The following ARHGEF38 variants were observed in gnomAD, a reference collection of about 807,000 sequenced individuals.
The protein encoded by ARHGEF38 is Rho guanine nucleotide exchange factor (GEF) 38.
ARHGEF38 carries 79 observed loss-of-function variants against 79.9 expected under a neutral mutation model. The ratio of observed to expected loss-of-function variants is 0.99; its 90% CI spans 0.82 to 1.19. The LOEUF (loss-of-function observed/expected upper bound fraction) is 1.19. Ranked by LOEUF, ARHGEF38 falls within the 50% of genes most tolerant of loss-of-function variation. The pLI is 0.00. For missense variants in ARHGEF38, 962 were observed against 907.2 expected (o/e 1.06, Z -0.78); for synonymous variants, 366 against 328.3 (o/e 1.11, Z -1.24).
At position 105,630,979 on chromosome 4, in the gene ARHGEF38, T is replaced by C; in HGVS notation, c.590T>C (p.Ile197Thr). The change falls in exon 4 of 14, where the codon ATA (isoleucine) becomes ACA (threonine). Residue 197 changes from isoleucine to threonine, a missense_variant. Transcript: ENST00000420470. The stretch of plus-strand genomic sequence containing the variant: ...TATCACCATGATGAAGCACATAGTA[T>C]ACTGGAGTCCTATGAAAAGGAAGAA... ...YCYHHDEAHS[I>T]LESYEKEEEL... is the part of the protein sequence containing the mutation. 1.2e-6 allele frequency: 2 copies of C among 1,613,906 alleles called. No individual in the cohort carries two copies. The highest frequency in any genetic ancestry group is 1.7e-6 in the Non-Finnish European group (2 of 1,179,868).
intron 7 of ARHGEF38, among the ~76,000 whole-genome samples, chr4:105,649,824 A>G (rs1189520841): frequency 6.6e-6 from 1 of 152,192 alleles, no homozygotes; most frequent in Admixed American, 6.5e-5. Flanking sequence ...TCTTGACACT[A>G]TTCATATTTG....
chr4:105,640,726 G>T lies in ARHGEF38; in HGVS notation c.674+4306G>T, dbSNP rs114318844. ...TGAAATACTTTTCTTTTACTCTCAC[G>T]CTTGGTTTATAGTTTGATTTGCTAT... On this transcript the variant is annotated intron_variant, in intron 5 of 13. Transcript: ENST00000420470. 9.2e-5 allele frequency among the ~76,000 whole-genome samples: 14 copies of T among 152,154 alleles called. No individual in the cohort carries two copies. The South Asian group carries it at 2.9e-3, about 32-fold the overall frequency.
At chr4:105,554,209 A>G (rs963846978) in intron 1 of ARHGEF38, among the ~76,000 whole-genome samples, 1 of 152,060 alleles carries the variant, frequency 6.6e-6, no homozygotes. Flanking sequence ...TAAAATTTCA[A>G]CTTTTATTTT....
At chr4:105,641,118 A>T (rs189038392) in intron 5 of ARHGEF38, among the ~76,000 whole-genome samples, 1 of 152,030 alleles carries the variant, frequency 6.6e-6, no homozygotes, top group Non-Finnish European at 1.5e-5. Context: ...TAGACCAGTC[A>T]TCTAATTTTC....
chr4:105,598,785 A>C (rs1460734538), intron 2 of ARHGEF38, among the ~76,000 whole-genome samples: 1 of 152,086 alleles, frequency 6.6e-6, no homozygotes, highest in Non-Finnish European at 1.5e-5. Flanking sequence ...CTGAGGTCTC[A>C]TAAAGTCAGA....
chr4:105,573,176 T>C (rs2522538), intron 1 of ARHGEF38, among the ~76,000 whole-genome samples: 93,990 of 152,016 alleles, frequency 0.62, 31,748 homozygotes, highest in East Asian at 0.92. Flanking sequence ...TTTTCTCCTA[T>C]GCTGTAAACT....
intron 1 of ARHGEF38, among the ~76,000 whole-genome samples, chr4:105,581,906 T>G (rs1447188794): frequency 6.6e-6 from 1 of 151,894 alleles, no homozygotes; most frequent in Admixed American, 6.6e-5. Flanking sequence ...TGGCTCACGC[T>G]TGTAATCCCA....
chr4:105,607,897 C>T (rs537375573), intron 2 of ARHGEF38, among the ~76,000 whole-genome samples: 1 of 151,996 alleles, frequency 6.6e-6, no homozygotes, highest in Non-Finnish European at 1.5e-5. Context: ...TTTTCACAGA[C>T]AAGTTCTCCA....
At chr4:105,676,476 G>GT (rs1731120564) in intron 13 of ARHGEF38, among the ~76,000 whole-genome samples, 1 of 152,146 alleles carries the variant, frequency 6.6e-6, no homozygotes, top group African/African-American at 2.4e-5. Context: ...CCAGCACTTA[G>GT]TAGGTACTTG....
At chr4:105,635,067 T>C (rs1729345350) in intron 4 of ARHGEF38, among the ~76,000 whole-genome samples, 1 of 152,114 alleles carries the variant, frequency 6.6e-6, no homozygotes, top group Non-Finnish European at 1.5e-5. Context: ...AAGACTATAA[T>C]CCTTAAGGAA....
intron 1 of ARHGEF38, among the ~76,000 whole-genome samples, chr4:105,573,995 T>C (rs183246129): frequency 2.6e-5 from 4 of 152,306 alleles, no homozygotes; most frequent in Admixed American, 6.5e-5. Flanking sequence ...GGAAACACTT[T>C]CTTAATATTT....
intron 3 of ARHGEF38, among the ~76,000 whole-genome samples, chr4:105,622,071 G>T (rs571111877): frequency 1.3e-5 from 2 of 152,288 alleles, no homozygotes; most frequent in East Asian, 3.9e-4. Flanking sequence ...CCTGAGCGGG[G>T]TGAATATGGG....
At chr4:105,640,811 C>A (rs1373340659) in intron 5 of ARHGEF38, among the ~76,000 whole-genome samples, 1 of 152,134 alleles carries the variant, frequency 6.6e-6, no homozygotes, top group African/African-American at 2.4e-5. Context: ...TTATCATTTT[C>A]TAGCTTTCAG....
chr4:105,583,529 A>G (rs1164646435), intron 1 of ARHGEF38, among the ~76,000 whole-genome samples: 2 of 151,684 alleles, frequency 1.3e-5, no homozygotes, highest in Non-Finnish European at 2.9e-5. Flanking sequence ...TCACCTTTCA[A>G]CTCTATTTCA....
chr4:105,564,646 T>C (rs1725800432), intron 1 of ARHGEF38, among the ~76,000 whole-genome samples: 2 of 152,210 alleles, frequency 1.3e-5, no homozygotes, highest in Admixed American at 6.5e-5. Context: ...TCCTGAATAT[T>C]TTACCACAAT....
At chr4:105,619,395 T>C (rs1025384330) in intron 3 of ARHGEF38, among the ~76,000 whole-genome samples, 1 of 151,962 alleles carries the variant, frequency 6.6e-6, no homozygotes, top group African/African-American at 2.4e-5. Context: ...ACGGGAAACA[T>C]AGAAGTAAAC....
chr4:105,558,700 CT>C (rs1725368812), intron 1 of ARHGEF38, among the ~76,000 whole-genome samples: 1 of 152,062 alleles, frequency 6.6e-6, no homozygotes, highest in Non-Finnish European at 1.5e-5. Flanking sequence ...GAAATTGAGA[CT>C]GTTTGAGCTA....
At chr4:105,636,969 G>A (rs368341719) in intron 5 of ARHGEF38, among the ~76,000 whole-genome samples, 17 of 152,000 alleles carry the variant, frequency 1.1e-4, no homozygotes, top group African/African-American at 2.9e-4. Flanking sequence ...GAAAAACAGC[G>A]TATACAAACA....
rs200284610 is a variant in ARHGEF38, at chr4:105,679,778, CCT to C, written c.*1842_*1843del. On this transcript the variant is annotated 3_prime_UTR_variant, in exon 14 of 14. Transcript: ENST00000420470. ...TGGTTGATAAAAACATATACAAACC[CCT>C]GTCTGTCCAGCTTTACCCACGCATC... The C allele has an allele frequency of 7.9e-3, 7,749 of 978,884 alleles. 58 individuals carry two copies. Among genetic ancestry groups the C allele is most frequent in the Middle Eastern group, 0.046 (144 of 3,120 alleles). The allele number at this position is 978,884 out of a possible 1,614,324, so 60.6% of individuals were successfully genotyped here.
Sources: allele counts gnomAD v4.1 joint callset (sites outside exome capture counted in the v4.1 genomes callset), GRCh38; gene constraint gnomAD v4.1.1; transcripts MANE v1.5; gene names NCBI Gene and HGNC (gene_info 2026-07-23, HGNC 2026-07-21).